The following TFEC variants were observed in gnomAD, a reference collection of about 807,000 sequenced individuals.
The protein encoded by TFEC is transcription factor EC.
In TFEC, 31 loss-of-function variants were observed where a neutral mutation model predicts 41.6. The observed-to-expected ratio is 0.74, with a 90% CI of 0.56 to 1.01. The LOEUF (loss-of-function observed/expected upper bound fraction) is 1.01. TFEC is among the 50% of genes least tolerant of loss of function. The pLI is 0.00. For synonymous variants in TFEC, 143 were observed against 140.6 expected, an observed-to-expected ratio of 1.02 and a Z score of -0.12; for missense variants, 402 against 404.1, an observed-to-expected ratio of 0.99 and a Z score of 0.04.
chr7:116,095,087 C>A (rs1338731555), intron 3 of TFEC, among the ~76,000 whole-genome samples: 1 of 152,150 alleles, frequency 6.6e-6, no homozygotes, highest in Non-Finnish European at 1.5e-5. Context: ...CTTGCAAAAG[C>A]ATCATTAAAA....
intron 3 of TFEC, among the ~76,000 whole-genome samples, chr7:116,069,723 G>A (rs1037688993): frequency 6.6e-6 from 1 of 151,600 alleles, no homozygotes; most frequent in African/African-American, 2.4e-5. Flanking sequence ...CACTGTCCCT[G>A]CTTTAGTTGA....
intron 2 of TFEC, among the ~76,000 whole-genome samples, chr7:116,111,673 T>C (rs952638495): frequency 6.6e-6 from 1 of 152,002 alleles, no homozygotes; most frequent in Non-Finnish European, 1.5e-5. Context: ...CCTAAATGTC[T>C]TGCTAATAGC....
chr7:116,078,961 A>G (rs1311710973), intron 3 of TFEC, among the ~76,000 whole-genome samples: 1 of 152,174 alleles, frequency 6.6e-6, no homozygotes, highest in South Asian at 2.1e-4. Context: ...ATCCAACAGC[A>G]TAACAAAAAG....
intron 3 of TFEC, among the ~76,000 whole-genome samples, chr7:115,961,671 T>G (rs966543822): frequency 6.6e-6 from 1 of 151,624 alleles, no homozygotes; most frequent in Non-Finnish European, 1.5e-5. Flanking sequence ...ATTAAATGAA[T>G]AACATTTCAA....
At chr7:115,959,094 T>A (rs992863021) in intron 3 of TFEC, among the ~76,000 whole-genome samples, 3 of 151,856 alleles carry the variant, frequency 2.0e-5, no homozygotes, top group African/African-American at 7.2e-5. Flanking sequence ...TGAATACCTA[T>A]TTTATGAAGA....
chr7:115,998,429 T>C (rs901933876), intron 1 of TFEC, among the ~76,000 whole-genome samples: 3 of 151,518 alleles, frequency 2.0e-5, no homozygotes, highest in Admixed American at 6.6e-5. Flanking sequence ...GAAGACCACA[T>C]AACAAACAGA....
chr7:116,051,496 T>A (rs1469472637), intron 3 of TFEC, among the ~76,000 whole-genome samples: 3 of 152,192 alleles, frequency 2.0e-5, no homozygotes, highest in African/African-American at 7.2e-5. Context: ...GTGTTCTAGG[T>A]ACCTCTCAAA....
chr7:116,002,562 G>A (rs1171985315), intron 1 of TFEC, among the ~76,000 whole-genome samples: 2 of 152,040 alleles, frequency 1.3e-5, no homozygotes, highest in African/African-American at 4.8e-5. Context: ...GTGGTTAATG[G>A]ATACCAACAT....
intron 3 of TFEC, among the ~76,000 whole-genome samples, chr7:116,061,581 T>A (rs1005324575): frequency 6.6e-6 from 1 of 151,834 alleles, no homozygotes; most frequent in Non-Finnish European, 1.5e-5. Flanking sequence ...AAAAGCATGA[T>A]CCAGAAAAAA....
At chr7:116,045,934 T>C (rs1796153041) in intron 3 of TFEC, among the ~76,000 whole-genome samples, 1 of 152,208 alleles carries the variant, frequency 6.6e-6, no homozygotes, top group Non-Finnish European at 1.5e-5. Context: ...TTTGGAACTT[T>C]TTAATTTGAC....
At chr7:116,053,348 G>T (rs558981462) in intron 3 of TFEC, among the ~76,000 whole-genome samples, 13 of 152,308 alleles carry the variant, frequency 8.5e-5, no homozygotes, top group Admixed American at 5.9e-4. Flanking sequence ...TTTAAATGGG[G>T]TTTGTGGAGA....
At chr7:116,114,477 G>GTA (rs1228386968) in intron 1 of TFEC, among the ~76,000 whole-genome samples, 8 of 152,006 alleles carry the variant, frequency 5.3e-5, no homozygotes, top group Non-Finnish European at 8.8e-5. Flanking sequence ...AAGGGCAAGC[G>GTA]TAAGGGGGAT....
At chr7:116,063,737 T>C (rs1484435690) in intron 3 of TFEC, among the ~76,000 whole-genome samples, 1 of 152,220 alleles carries the variant, frequency 6.6e-6, no homozygotes, top group Non-Finnish European at 1.5e-5. Context: ...TTACATAATG[T>C]CCTCTAGGTT....
intron 3 of TFEC, among the ~76,000 whole-genome samples, chr7:116,101,028 T>G (rs1205054737): frequency 1.3e-5 from 2 of 152,146 alleles, no homozygotes; most frequent in South Asian, 4.1e-4. Context: ...ATTTTAAAAT[T>G]TCTTTAAATA....
At chr7:116,089,092 T>C (rs368886171) in intron 3 of TFEC, among the ~76,000 whole-genome samples, 1 of 152,142 alleles carries the variant, frequency 6.6e-6, no homozygotes, top group Non-Finnish European at 1.5e-5. Flanking sequence ...TTACTTAGCA[T>C]GTACTTGTTT....
chr7:116,144,126 G>T (rs552253143), intron 1 of TFEC, among the ~76,000 whole-genome samples: 2 of 152,128 alleles, frequency 1.3e-5, no homozygotes, highest in East Asian at 3.9e-4. Context: ...GCTGAGGCAG[G>T]AGAATCGCTT....
At chr7:116,020,569 A>G (rs1795357570) in intron 1 of TFEC, among the ~76,000 whole-genome samples, 2 of 152,188 alleles carry the variant, frequency 1.3e-5, no homozygotes, top group African/African-American at 4.8e-5. Flanking sequence ...CAATCATAAT[A>G]TAATTAGAAA....
rs1233246307 is a variant in TFEC, at chr7:115,941,882, C to T, written c.663+11G>A. 6.2e-7 allele frequency: 1 copy of T among 1,612,610 alleles called. No individual in the cohort carries two copies. The highest frequency in any genetic ancestry group is 1.1e-5 in the South Asian group (1 of 90,914). ...AAGCTATGTGACTCATGGCTACATT[C>T]TTATAAAAACCTGAATCCGAAGTAG... On this transcript the variant is annotated intron_variant, in intron 7 of 7. Coordinates refer to ENST00000265440, the MANE Select transcript of TFEC (RefSeq NM_012252.4).
chr7:116,124,518 T>A (rs1011915753), intron 1 of TFEC, among the ~76,000 whole-genome samples: 1 of 147,210 alleles, frequency 6.8e-6, no homozygotes, highest in Non-Finnish European at 1.5e-5. Context: ...ACCCCTAAAA[T>A]GTGAATAATA....
Sources: allele counts gnomAD v4.1 joint callset (sites outside exome capture counted in the v4.1 genomes callset), GRCh38; gene constraint gnomAD v4.1.1; transcripts MANE v1.5; gene names NCBI Gene and HGNC (gene_info 2026-07-23, HGNC 2026-07-21).